Variants in UBAP2 observed in about 807,000 individuals in gnomAD.
UBAP2 encodes the protein ubiquitin associated protein 2.
A neutral mutation model predicts 139.6 loss-of-function variants in UBAP2; 75 were observed. The ratio of observed to expected loss-of-function variants is 0.54; its 90% CI spans 0.45 to 0.65. UBAP2 has a LOEUF of 0.65. Ranked by LOEUF, UBAP2 falls within the 30% of genes least tolerant of loss-of-function variation. The probability of loss-of-function intolerance (pLI) is 0.00; values close to 1 mark genes in which losing one functional copy is unlikely to be tolerated. For missense variants in UBAP2, 1,368 were observed against 1,369.6 expected (o/e 1.00, Z 0.02); for synonymous variants, 526 against 526.2 (o/e 1.00, Z 0.01).
intron 2 of UBAP2, among the ~76,000 whole-genome samples, chr9:34,007,815 C>T (rs1308131221): frequency 6.6e-6 from 1 of 150,896 alleles, no homozygotes; most frequent in Non-Finnish European, 1.5e-5. Flanking sequence ...ATTTTTTTTT[C>T]CATTTATAAT....
chr9:34,018,631 A>C (rs1256174001), intron 1 of UBAP2, among the ~76,000 whole-genome samples: 3 of 152,186 alleles, frequency 2.0e-5, no homozygotes, highest in Non-Finnish European at 4.4e-5. Context: ...TGGGAGGCCA[A>C]GGCGGGAGGA....
At chr9:34,021,275 CCA>C (rs1824917833) in intron 1 of UBAP2, among the ~76,000 whole-genome samples, 1 of 152,236 alleles carries the variant, frequency 6.6e-6, no homozygotes, top group East Asian at 1.9e-4. Flanking sequence ...TTGCTAAAGG[CCA>C]CAGACATATT....
In UBAP2 at chr9:33,938,947, G is replaced by A. The variant is rs1824839080; in HGVS notation, c.1929+2702C>T. ...TTTTAATCTGTGGATATTCCAGGCT[G>A]TGGAAGGGGAAGAGAAAAAGGAAGG... On this transcript the variant is annotated intron_variant, in intron 16 of 28. Transcript: ENST00000379238. The A allele has an allele frequency of 8.9e-6, 4 of 449,718 alleles. No homozygotes were observed. In the East Asian group the frequency reaches 2.1e-4, roughly 24 times the overall value. The allele number at this position is 449,718 out of a possible 1,614,324, so 27.9% of individuals were successfully genotyped here.
At chr9:33,995,738 C>A (rs1310221689) in intron 4 of UBAP2, 1 of 147,926 alleles carries the variant, frequency 6.8e-6, no homozygotes, top group Non-Finnish European at 1.5e-5. Context: ...TTCTTAAAAT[C>A]CAAGGCCTGA....
In UBAP2 at chr9:33,992,106, G is replaced by C. The variant is rs142993222; in HGVS notation, c.289-2980C>G. 3.5e-3 allele frequency among the ~76,000 whole-genome samples: 528 copies of C among 152,012 alleles called. 4 individuals are homozygous for C. Among genetic ancestry groups the C allele is most frequent in the African/African-American group, 0.012 (513 of 41,486 alleles). ...ATCTCTACTAAACATACAAAAATTA[G>C]CAGCCGGGTGCAGTGGCTCATGCCT... On this transcript the variant is annotated intron_variant, in intron 4 of 28. Coordinates refer to ENST00000379238, the MANE Select transcript of UBAP2 (RefSeq NM_001370062.2).
intron 1 of UBAP2, among the ~76,000 whole-genome samples, chr9:34,036,195 ACCTCCG>A (rs1167513680): frequency 6.6e-6 from 1 of 151,358 alleles, no homozygotes; most frequent in Non-Finnish European, 1.5e-5. Context: ...GCTCACTGCA[ACCTCCG>A]CCTCCCAGGT....
intron 8 of UBAP2, among the ~76,000 whole-genome samples, chr9:33,970,608 T>C (rs1450178165): frequency 6.6e-6 from 1 of 151,988 alleles, no homozygotes; most frequent in Non-Finnish European, 1.5e-5. Context: ...TTTTTTAAGT[T>C]TTCTTAGTAT....
At chr9:34,034,230 A>G (rs1826132370) in intron 1 of UBAP2, among the ~76,000 whole-genome samples, 1 of 152,220 alleles carries the variant, frequency 6.6e-6, no homozygotes, top group Non-Finnish European at 1.5e-5. Context: ...TTTTATTACA[A>G]GCCTAAAATA....
chr9:34,033,666 C>T (rs1286811548), intron 1 of UBAP2, among the ~76,000 whole-genome samples: 2 of 151,794 alleles, frequency 1.3e-5, no homozygotes, highest in Non-Finnish European at 2.9e-5. Flanking sequence ...CAACCTCTGC[C>T]TCCTGCGCTC....
At chr9:34,047,187 AT>A (rs1827677833) in intron 1 of UBAP2, among the ~76,000 whole-genome samples, 1 of 152,132 alleles carries the variant, frequency 6.6e-6, no homozygotes, top group African/African-American at 2.4e-5. Context: ...AGGGAAGCAA[AT>A]GGGGGAAATC....
intron 6 of UBAP2, among the ~76,000 whole-genome samples, chr9:33,984,644 C>T (rs1004697983): frequency 1.3e-5 from 2 of 151,676 alleles, no homozygotes; most frequent in African/African-American, 4.8e-5. Flanking sequence ...TGCCACTGCA[C>T]TCCAGCCTGG....
chr9:34,035,514 A>AAAAAAAAAATATATATATATATATATAT lies in UBAP2; in HGVS notation c.-42+13310_-42+13311insATATATATATATATATATATTTTTTTTT. On this transcript the variant is annotated intron_variant, in intron 1 of 28. Transcript: ENST00000379238. ...GAGACTCCATCTAAAAAAAAAAAAA[A>AAAAAAAAAATATATATATATATATATAT]ATATATATATATAAAGATTAGCCAG... Among the ~76,000 whole-genome samples the AAAAAAAAAATATATATATATATATATAT allele has an allele frequency of 5.8e-4, 13 of 22,486 alleles. 1 individual carries two copies. The highest frequency in any genetic ancestry group is 7.8e-4 in the Non-Finnish European group (8 of 10,248). The allele number at this position is 22,486 out of a possible 152,430, so 14.8% of individuals were successfully genotyped here. A position where few individuals can be genotyped will look rare whatever the true frequency, so the allele number is the denominator to read the frequency against.
At position 33,921,982 on chromosome 9, in the gene UBAP2, G is replaced by C. The variant is rs1303746421; in HGVS notation, c.*522C>G. 3 of 154,030 alleles carry C rather than the reference G, an allele frequency of 1.9e-5. No individual in the cohort carries two copies. Among genetic ancestry groups the C allele is most frequent in the African/African-American group, 7.2e-5 (3 of 41,466 alleles). 9.5% of individuals were successfully genotyped at this position (154,030 alleles called of 1,614,324 possible). On this transcript the variant is annotated 3_prime_UTR_variant, in exon 29 of 29. Coordinates refer to ENST00000379238, the MANE Select transcript of UBAP2 (RefSeq NM_001370062.2). ...GATACCGCTGCTATTCCCAGATGAAGATTTGGTGGAAGGAGACCATGACAG... is the reference window on the plus strand; with the variant it reads ...GATACCGCTGCTATTCCCAGATGAACATTTGGTGGAAGGAGACCATGACAG...
At chr9:34,028,876 TG>T (rs951643171) in intron 1 of UBAP2, among the ~76,000 whole-genome samples, 74 of 151,746 alleles carry the variant, frequency 4.9e-4, no homozygotes, top group African/African-American at 1.7e-3. Context: ...GGCTGCAGAC[TG>T]GGGTAATTAG....
At chr9:34,029,205 A>G (rs1039660670) in intron 1 of UBAP2, among the ~76,000 whole-genome samples, 2 of 152,238 alleles carry the variant, frequency 1.3e-5, no homozygotes, top group South Asian at 2.1e-4. Flanking sequence ...GTATGCACCC[A>G]AGAGAACTGA....
At position 33,954,301 on chromosome 9, in the gene UBAP2, C is replaced by T. The variant is rs10971820; in HGVS notation, c.867-827G>A. On this transcript the variant is annotated intron_variant, in intron 11 of 28. Transcript: ENST00000379238. Reference sequence around the variant, plus strand: ...ACACACACACACACACACACACACACGCCCATATAATTTTATCTTTAAAAT... The same window carrying T: ...ACACACACACACACACACACACACATGCCCATATAATTTTATCTTTAAAAT... Among the ~76,000 whole-genome samples the T allele has an allele frequency of 2.0e-3, 297 of 146,732 alleles. 2 individuals carry two copies. The highest frequency in any genetic ancestry group is 6.3e-3 in the African/African-American group (248 of 39,374).
chr9:33,936,944 A>C (rs982967557), intron 16 of UBAP2, among the ~76,000 whole-genome samples: 2 of 151,202 alleles, frequency 1.3e-5, no homozygotes, highest in African/African-American at 4.8e-5. Context: ...AAAAAAAAAA[A>C]AAAAAAAACA....
intron 9 of UBAP2, among the ~76,000 whole-genome samples, chr9:33,961,306 T>C (rs1281711131): frequency 6.6e-6 from 1 of 152,242 alleles, no homozygotes; most frequent in Non-Finnish European, 1.5e-5. Flanking sequence ...TCTTGGACCC[T>C]ATTTCAGGTG....
Position 34,028,361 on chromosome 9 carries a change from C to CTTATTTATTTATTTATTTAT in UBAP2, c.-41-11192_-41-11173dup, listed in dbSNP as rs143612468. On this transcript the variant is annotated intron_variant, in intron 1 of 28. Transcript: ENST00000379238. The stretch of plus-strand genomic sequence containing the variant: ...CTGCTAATTCAGCTGTAAACCCTGT[C>CTTATTTATTTATTTATTTAT]TTATTTATTTATTTATTTATTTATT... 5.4e-3 allele frequency among the ~76,000 whole-genome samples: 785 copies of CTTATTTATTTATTTATTTAT among 144,098 alleles called. 14 individuals carry two copies. Among genetic ancestry groups the CTTATTTATTTATTTATTTAT allele is most frequent in the East Asian group, 0.036 (173 of 4,856 alleles). The allele number at this position is 144,098 out of a possible 152,430, so 94.5% of individuals were successfully genotyped here. A position where few individuals can be genotyped will look rare whatever the true frequency, so the allele number is the denominator to read the frequency against.
Sources: gnomAD v4.1 joint callset for allele counts (sites outside exome capture counted in the v4.1 genomes callset) on GRCh38, gnomAD v4.1.1 for gene constraint, MANE v1.5 for transcripts, NCBI Gene and HGNC (gene_info 2026-07-23, HGNC 2026-07-21) for gene names.